Variants in MYPN observed in about 807,000 individuals in gnomAD.
The protein encoded by MYPN is sarcomeric protein myopalladin, 145 kDa (MYOP).
Under a neutral mutation model 129.4 loss-of-function variants are expected in MYPN, and 63 were observed. That is an observed-to-expected ratio of 0.49 (90% CI 0.40 to 0.60). The LOEUF is 0.60. Ranked by LOEUF, MYPN falls within the 20% of genes least tolerant of loss-of-function variation. MYPN has a pLI of 0.00. For missense variants in MYPN, 1,596 were observed against 1,635.4 expected (o/e 0.98, Z 0.42); for synonymous variants, 629 against 600.9 (o/e 1.05, Z -0.68).
chr10:68,093,205 A>T (rs1340044670), intron 1 of MYPN, among the ~76,000 whole-genome samples: 1 of 152,056 alleles, frequency 6.6e-6, no homozygotes, highest in Non-Finnish European at 1.5e-5. Context: ...ATGTTGGAAA[A>T]AGGAGGCCTC....
At chr10:68,123,004 C>T (rs1319385386) in intron 2 of MYPN, among the ~76,000 whole-genome samples, 1 of 151,602 alleles carries the variant, frequency 6.6e-6, no homozygotes, top group African/African-American at 2.4e-5. Flanking sequence ...TTTATTATAC[C>T]AGGGATTTGA....
chr10:68,209,425 T>C (rs1353466129), intron 19 of MYPN, among the ~76,000 whole-genome samples: 1 of 152,032 alleles, frequency 6.6e-6, no homozygotes, highest in African/African-American at 2.4e-5. Context: ...ATTAGGGAGG[T>C]GGGTAGGTAG....
chr10:68,089,031 G>C (rs367673066), intron 1 of MYPN, among the ~76,000 whole-genome samples: 2 of 151,976 alleles, frequency 1.3e-5, no homozygotes, highest in Non-Finnish European at 1.5e-5. Flanking sequence ...TTGTGAGTTC[G>C]TTTGTTTGTT....
At chr10:68,135,476 A>C (rs2042472485) in intron 2 of MYPN, 1 of 984,426 alleles carries the variant, frequency 1.0e-6, no homozygotes, top group African/African-American at 1.7e-5. Context: ...CTGTATATGA[A>C]GAAGAGTTAC....
At chr10:68,189,702 T>A (rs537154651) in intron 13 of MYPN, among the ~76,000 whole-genome samples, 4 of 152,350 alleles carry the variant, frequency 2.6e-5, no homozygotes, top group African/African-American at 9.6e-5. Context: ...ATTTCATTCA[T>A]TCTTTTTATA....
At position 68,153,431 on chromosome 10, in the gene MYPN, A is replaced by G. The variant is rs1432588169; in HGVS notation, c.1317+3320A>G. Reference sequence around the variant, plus strand: ...TATACTTTTGATAAATAAAAATAGGAAAATGAATTAATCATTCACATACTT... The same window carrying G: ...TATACTTTTGATAAATAAAAATAGGGAAATGAATTAATCATTCACATACTT... On this transcript the variant is annotated intron_variant, in intron 6 of 19. Coordinates refer to ENST00000358913, the MANE Select transcript of MYPN (RefSeq NM_032578.4). Among the ~76,000 whole-genome samples, 5 of 152,248 alleles carry G rather than the reference A, an allele frequency of 3.3e-5. 1 individual carries two copies. The highest frequency in any genetic ancestry group is 3.3e-4 in the Admixed American group (5 of 15,282).
chr10:68,199,212 C>G (rs1438029600), intron 16 of MYPN, among the ~76,000 whole-genome samples, 156 bp from the exon 17 acceptor site: 3 of 152,128 alleles, frequency 2.0e-5, no homozygotes, highest in Non-Finnish European at 4.4e-5. Flanking sequence ...TTTATTCAGA[C>G]TCTTCGTTTC....
At chr10:68,179,198 A>G (rs564131089) in intron 12 of MYPN, among the ~76,000 whole-genome samples, 41 of 152,238 alleles carry the variant, frequency 2.7e-4, no homozygotes, top group Non-Finnish European at 5.1e-4. Context: ...TGAGCCGTGA[A>G]TAGTCATGCC....
At chr10:68,179,199 T>A (rs1341185993) in intron 12 of MYPN, among the ~76,000 whole-genome samples, 1 of 152,190 alleles carries the variant, frequency 6.6e-6, no homozygotes, top group Non-Finnish European at 1.5e-5. Context: ...GAGCCGTGAA[T>A]AGTCATGCCA....
intron 16 of MYPN, 40 bp from the exon 17 acceptor site, chr10:68,199,328 G>C (rs1412877674): frequency 1.9e-6 from 3 of 1,588,470 alleles, no homozygotes; most frequent in Admixed American, 3.4e-5. Context: ...AAATGTGCCT[G>C]TCATCAGTCA....
At chr10:68,110,794 C>T (rs374337328) in intron 1 of MYPN, among the ~76,000 whole-genome samples, 120 of 152,098 alleles carry the variant, frequency 7.9e-4, no homozygotes, top group Middle Eastern at 3.4e-3. Context: ...ATATACTGTC[C>T]GACACATGAT....
At chr10:68,168,897 G>A (rs952746557) in intron 10 of MYPN, among the ~76,000 whole-genome samples, 1 of 150,698 alleles carries the variant, frequency 6.6e-6, no homozygotes, top group African/African-American at 2.4e-5. Context: ...GGAGGCTGAG[G>A]TGGGAGAATT....
At chr10:68,182,463 A>AAC (rs1554848302) in intron 12 of MYPN, among the ~76,000 whole-genome samples, 3 of 81,950 alleles carry the variant, frequency 3.7e-5, no homozygotes, top group Non-Finnish European at 4.9e-5. Context: ...ATATATATAT[A>AAC]ACATATATAC....
At chr10:68,135,055 G>A (rs1446803606) in intron 2 of MYPN, among the ~76,000 whole-genome samples, 3 of 151,900 alleles carry the variant, frequency 2.0e-5, no homozygotes, top group Admixed American at 1.3e-4. Flanking sequence ...GGGTTCAAGC[G>A]ATTCTCAAGC....
chr10:68,148,814 C>T (rs989280238), intron 5 of MYPN, among the ~76,000 whole-genome samples: 1 of 152,184 alleles, frequency 6.6e-6, no homozygotes, highest in Non-Finnish European at 1.5e-5. Context: ...CATGGAGCTG[C>T]AGAGAATTCC....
At chr10:68,141,013 G>C (rs1330846536) in intron 2 of MYPN, among the ~76,000 whole-genome samples, 1 of 152,000 alleles carries the variant, frequency 6.6e-6, no homozygotes, top group East Asian at 1.9e-4. Context: ...GTTGAGGCTG[G>C]AGTGAACCAT....
intron 2 of MYPN, among the ~76,000 whole-genome samples, chr10:68,125,916 A>G (rs2042319085): frequency 6.6e-6 from 1 of 152,200 alleles, no homozygotes; most frequent in Admixed American, 6.5e-5. Flanking sequence ...AATAGCTAGG[A>G]ATCAGGCAGA....
intron 8 of MYPN, chr10:68,165,384 G>A (rs574040554): frequency 4.2e-5 from 19 of 448,510 alleles, no homozygotes; most frequent in African/African-American, 1.0e-4. Context: ...CCTGGGAGGC[G>A]GAGGTTGCAG....
intron 2 of MYPN, among the ~76,000 whole-genome samples, chr10:68,137,422 C>T (rs527972426): frequency 5.3e-5 from 8 of 152,254 alleles, no homozygotes; most frequent in African/African-American, 1.9e-4. Flanking sequence ...AATTAACTAG[C>T]AGTAGTTTCT....
Sources: allele counts gnomAD v4.1 joint callset (sites outside exome capture counted in the v4.1 genomes callset), GRCh38; gene constraint gnomAD v4.1.1; transcripts MANE v1.5; gene names NCBI Gene and HGNC (gene_info 2026-07-23, HGNC 2026-07-21).